Variants in MAPK14 observed in about 807,000 individuals in gnomAD.
The protein encoded by MAPK14 is mitogen-activated protein kinase 14, also known as CSAID-binding protein.
In MAPK14, 16 loss-of-function variants were observed where a neutral mutation model predicts 49.6. The observed-to-expected ratio is 0.32, with a 90% CI of 0.22 to 0.49. The LOEUF is 0.49. MAPK14 is among the 20% of genes least tolerant of loss of function. The pLI, the probability that MAPK14 is intolerant of heterozygous loss-of-function variation, is 0.99. For synonymous variants in MAPK14, 142 were observed against 158.0 expected (o/e 0.90, Z 0.76); for missense variants, 200 against 441.2 (o/e 0.45, Z 4.90).
At chr6:36,114,617 TA>T (rs376202964), downstream of MAPK14, among the ~76,000 whole-genome samples, 1,675 of 132,124 alleles carry the variant, frequency 0.013, 11 homozygotes, top group African/African-American at 0.026. Flanking sequence ...GAACTCTGTT[TA>T]AAAAAAAAAA....
intron 8 of MAPK14, among the ~76,000 whole-genome samples, chr6:36,091,696 A>G (rs1765236110): frequency 6.6e-6 from 1 of 152,148 alleles, no homozygotes; most frequent in Non-Finnish European, 1.5e-5. Flanking sequence ...TGCATGTTTT[A>G]ACTTCCTTCA....
At chr6:36,093,037 T>A (rs897263097) in intron 8 of MAPK14, among the ~76,000 whole-genome samples, 3 of 152,106 alleles carry the variant, frequency 2.0e-5, no homozygotes, top group Admixed American at 2.0e-4. Flanking sequence ...GAAGACTTCA[T>A]GGCAGAGTTC....
chr6:36,116,795 C>T, the MAPK14 span, among the ~76,000 whole-genome samples: 1 of 152,116 alleles, frequency 6.6e-6, no homozygotes, highest in Non-Finnish European at 1.5e-5. Flanking sequence ...ACTTTCCTTA[C>T]CTCCCTACTA....
intron 4 of MAPK14, 101 bp from the exon 5 acceptor site, chr6:36,073,590 C>A: frequency 2.4e-6 from 2 of 845,676 alleles, no homozygotes; most frequent in Non-Finnish European, 2.0e-6. Flanking sequence ...TTACTATTAA[C>A]ACTAGCAGTT....
At position 36,108,598 on chromosome 6, in the gene MAPK14, G is replaced by T. The variant is rs765793437; in HGVS notation, c.*151G>T. Reference sequence around the variant, plus strand: ...CGTGCGTGTGCGTGCGTGTTAGTGTGTGTGCATGTGTGTGTCTGTCTTTGT... The same window carrying T: ...CGTGCGTGTGCGTGCGTGTTAGTGTTTGTGCATGTGTGTGTCTGTCTTTGT... On this transcript the variant is annotated 3_prime_UTR_variant, in exon 12 of 12. Transcript: ENST00000229794. 8 of 648,424 alleles carry T rather than the reference G, an allele frequency of 1.2e-5. No individual in the cohort carries two copies. The highest frequency in any genetic ancestry group is 3.4e-5 in the South Asian group (2 of 59,040). 40.2% of individuals were successfully genotyped at this position (648,424 alleles called of 1,614,324 possible). A position where few individuals can be genotyped will look rare whatever the true frequency, so the allele number is the denominator to read the frequency against.
At chr6:36,092,611 T>G (rs1433498376) in intron 8 of MAPK14, 6 of 422,926 alleles carry the variant, frequency 1.4e-5, no homozygotes, top group Middle Eastern at 5.0e-4. Flanking sequence ...ATATAGTGTT[T>G]CCATTCTGAG....
At chr6:36,045,546 C>T (rs1477520852) in intron 1 of MAPK14, among the ~76,000 whole-genome samples, 4 of 152,078 alleles carry the variant, frequency 2.6e-5, no homozygotes, top group Non-Finnish European at 5.9e-5. Context: ...TGGTGGCTCA[C>T]GCCTGTAATC....
chr6:36,107,776 T>C lies in MAPK14; in HGVS notation c.1015+148T>C, dbSNP rs766571153. 1.9e-6 allele frequency: 1 copy of C among 521,736 alleles called. No homozygotes were observed. The highest frequency in any genetic ancestry group is 4.0e-5 in the South Asian group (1 of 25,024). 32.3% of individuals were successfully genotyped at this position (521,736 alleles called of 1,614,324 possible). A position where few individuals can be genotyped will look rare whatever the true frequency, so the allele number is the denominator to read the frequency against. ...ATATGTTCTCTGGTGGAAACTGTTGTAGACAGTGATACTCTCTGGACCTTT... is the reference window on the plus strand; with the variant it reads ...ATATGTTCTCTGGTGGAAACTGTTGCAGACAGTGATACTCTCTGGACCTTT... On this transcript the variant is annotated intron_variant, in intron 11 of 11. Coordinates refer to ENST00000229794, the MANE Select transcript of MAPK14 (RefSeq NM_139012.3). This position sits in a 1 kb window ranked among gnomAD's most constrained non-coding sequence, Gnocchi z 4.3.
chr6:36,118,122 A>T, the MAPK14 span, among the ~76,000 whole-genome samples: 102 of 152,354 alleles, frequency 6.7e-4, no homozygotes, highest in African/African-American at 2.2e-3. Flanking sequence ...CAGCAATTTA[A>T]TGAATTAGAA....
chr6:36,087,814 G>A (rs1324408334), intron 8 of MAPK14, among the ~76,000 whole-genome samples: 1 of 152,124 alleles, frequency 6.6e-6, no homozygotes, highest in Non-Finnish European at 1.5e-5. Flanking sequence ...CCAAAAAAGA[G>A]TCCATATAGC....
At chr6:36,105,973 T>C (rs190032320) in intron 10 of MAPK14, among the ~76,000 whole-genome samples, 67 of 152,318 alleles carry the variant, frequency 4.4e-4, no homozygotes, top group African/African-American at 1.4e-3. Flanking sequence ...TATGAAATAA[T>C]TGCTTTTGGG....
intron 3 of MAPK14, among the ~76,000 whole-genome samples, chr6:36,066,963 A>G (rs1000438918): frequency 5.6e-4 from 85 of 152,286 alleles, no homozygotes; most frequent in Middle Eastern, 6.8e-3. Context: ...TAAGTGCTCA[A>G]GATAGTGAAC....
intron 1 of MAPK14, among the ~76,000 whole-genome samples, chr6:36,047,926 T>C (rs1300935233): frequency 6.6e-6 from 1 of 152,038 alleles, no homozygotes; most frequent in Non-Finnish European, 1.5e-5. Flanking sequence ...ATATTTTTAG[T>C]AGAGATGGGG....
At chr6:36,103,875 C>G (rs373828606) in intron 10 of MAPK14, among the ~76,000 whole-genome samples, 1 of 152,192 alleles carries the variant, frequency 6.6e-6, no homozygotes. Context: ...GTTTTAAAAT[C>G]TCACTGCATT....
At chr6:36,029,637 A>G (rs1045718052) in intron 1 of MAPK14, among the ~76,000 whole-genome samples, 1 of 152,184 alleles carries the variant, frequency 6.6e-6, no homozygotes, top group Non-Finnish European at 1.5e-5. Context: ...TGTTTCCCAA[A>G]GTCACATCAT....
At chr6:36,095,927 T>C in intron 8 of MAPK14, 60 bp from the exon 9 acceptor site, 1 of 1,063,326 alleles carries the variant, frequency 9.4e-7, no homozygotes, top group South Asian at 1.3e-5. Context: ...GTTTTGTTTG[T>C]CATTGTTTGT....
At chr6:36,037,815 T>C (rs1453486597) in intron 1 of MAPK14, among the ~76,000 whole-genome samples, 3 of 151,910 alleles carry the variant, frequency 2.0e-5, no homozygotes, top group Non-Finnish European at 1.5e-5. Flanking sequence ...GGGAGGCTCC[T>C]CTACTAAAAA....
intron 2 of MAPK14, among the ~76,000 whole-genome samples, chr6:36,055,689 TG>T (rs1438426718): frequency 6.6e-6 from 1 of 151,942 alleles, no homozygotes; most frequent in Admixed American, 6.6e-5. Flanking sequence ...CCTAGCACTT[TG>T]GGAGGCCAAG....
At chr6:36,066,146 A>C in intron 3 of MAPK14, among the ~76,000 whole-genome samples, 1 of 152,124 alleles carries the variant, frequency 6.6e-6, no homozygotes, top group East Asian at 1.9e-4. Flanking sequence ...TGTGAAACAG[A>C]TGGTATTATC....
Sources: gnomAD v4.1 joint callset for allele counts (sites outside exome capture counted in the v4.1 genomes callset) on GRCh38, gnomAD v4.1.1 for gene constraint, Gnocchi (gnomAD v3.1) non-coding constraint, MANE v1.5 for transcripts, NCBI Gene and HGNC (gene_info 2026-07-23, HGNC 2026-07-21) for gene names.